Variants in SEMA5A observed in about 807,000 individuals in gnomAD.
SEMA5A encodes semaphorin-5A.
In SEMA5A, 55 loss-of-function variants were observed where a neutral mutation model predicts 135.5. The ratio of observed to expected loss-of-function variants is 0.41; its 90% CI spans 0.33 to 0.51. The LOEUF (loss-of-function observed/expected upper bound fraction) is 0.51, where lower values mean the gene tolerates loss of function less well. Ranked by LOEUF, SEMA5A falls within the 20% of genes least tolerant of loss-of-function variation. SEMA5A has a pLI of 0.37. For synonymous variants in SEMA5A, 580 were observed against 546.5 expected (o/e 1.06, Z -0.85); for missense variants, 1,290 against 1,419.9 (o/e 0.91, Z 1.47).
At chr5:9,509,537 A>C (rs1257270048) in intron 1 of SEMA5A, among the ~76,000 whole-genome samples, 1 of 152,038 alleles carries the variant, frequency 6.6e-6, no homozygotes, top group African/African-American at 2.4e-5. Flanking sequence ...GGCCTCCCAA[A>C]GTGCTGGGAT....
chr5:9,347,805 C>T (rs1237619245), intron 3 of SEMA5A, among the ~76,000 whole-genome samples: 1 of 152,032 alleles, frequency 6.6e-6, no homozygotes, highest in African/African-American at 2.4e-5. Context: ...GCTAGATCGT[C>T]GTCACAAGAT....
chr5:9,274,773 T>C (rs556228738), intron 5 of SEMA5A, among the ~76,000 whole-genome samples: 16 of 152,254 alleles, frequency 1.1e-4, no homozygotes, highest in Non-Finnish European at 2.2e-4. Flanking sequence ...AAGATGTTCT[T>C]TGAAACCAAT....
intron 1 of SEMA5A, among the ~76,000 whole-genome samples, chr5:9,528,982 G>T (rs980732087): frequency 2.6e-5 from 4 of 152,206 alleles, no homozygotes; most frequent in Non-Finnish European, 5.9e-5. Flanking sequence ...TGGTTCTTAG[G>T]TCATGGTGAT....
intron 1 of SEMA5A, among the ~76,000 whole-genome samples, chr5:9,473,251 C>T (rs1254646090): frequency 6.7e-6 from 1 of 148,416 alleles, no homozygotes; most frequent in African/African-American, 2.5e-5. Context: ...AAAAGAACTA[C>T]CAAATCACCT....
At chr5:9,423,373 T>C (rs1321405375) in intron 2 of SEMA5A, among the ~76,000 whole-genome samples, 1 of 152,250 alleles carries the variant, frequency 6.6e-6, no homozygotes, top group Non-Finnish European at 1.5e-5. Flanking sequence ...ATTCCTGAGC[T>C]CATCTATTTT....
intron 1 of SEMA5A, among the ~76,000 whole-genome samples, chr5:9,461,280 C>G (rs1162577818): frequency 6.6e-6 from 1 of 152,160 alleles, no homozygotes; most frequent in Non-Finnish European, 1.5e-5. Context: ...AGGTGTCTTA[C>G]AGAGAATGCT....
At chr5:9,324,012 C>A (rs1269551283) in intron 4 of SEMA5A, among the ~76,000 whole-genome samples, 1 of 151,802 alleles carries the variant, frequency 6.6e-6, no homozygotes, top group Non-Finnish European at 1.5e-5. Context: ...TACCTCACTA[C>A]ACAAACAGTT....
intron 12 of SEMA5A, among the ~76,000 whole-genome samples, chr5:9,146,010 G>GTCCAAC (rs1179905824): frequency 6.6e-6 from 1 of 152,000 alleles, no homozygotes; most frequent in Non-Finnish European, 1.5e-5. Flanking sequence ...CAAACAGTTG[G>GTCCAAC]TAATAGATTT....
intron 11 of SEMA5A, among the ~76,000 whole-genome samples, chr5:9,169,246 G>C (rs1026743231): frequency 1.3e-5 from 2 of 152,168 alleles, no homozygotes; most frequent in Non-Finnish European, 2.9e-5. Flanking sequence ...TTGTGGTGAT[G>C]ATTTCACAAT....
At chr5:9,542,290 T>C (rs464621) in intron 1 of SEMA5A, among the ~76,000 whole-genome samples, 13,424 of 152,210 alleles carry the variant, frequency 0.088, 947 homozygotes, top group African/African-American at 0.19. Context: ...TTCTGCAGGG[T>C]AGCAGAGTGA....
intron 8 of SEMA5A, among the ~76,000 whole-genome samples, chr5:9,211,371 A>T (rs1746337721): frequency 6.6e-6 from 1 of 152,092 alleles, no homozygotes; most frequent in South Asian, 2.1e-4. Context: ...ACCCACATAT[A>T]CTTCATTCCC....
chr5:9,505,133 T>C (rs1735803580), intron 1 of SEMA5A, among the ~76,000 whole-genome samples: 1 of 149,354 alleles, frequency 6.7e-6, no homozygotes, highest in African/African-American at 2.5e-5. Context: ...AAAGACAAAT[T>C]CTAAAACAAA....
intron 2 of SEMA5A, among the ~76,000 whole-genome samples, chr5:9,430,479 A>G (rs1204914298): frequency 1.3e-5 from 2 of 152,204 alleles, no homozygotes; most frequent in Non-Finnish European, 2.9e-5. Flanking sequence ...GAAAAGAGAC[A>G]AGGTCCAGAC....
intron 11 of SEMA5A, among the ~76,000 whole-genome samples, chr5:9,184,990 C>T (rs1744729769): frequency 6.6e-6 from 1 of 152,150 alleles, no homozygotes; most frequent in Non-Finnish European, 1.5e-5. Context: ...TACAATGGTG[C>T]AATCCTAGCT....
At chr5:9,198,894 T>C (rs888921958) in intron 9 of SEMA5A, among the ~76,000 whole-genome samples, 1 of 152,042 alleles carries the variant, frequency 6.6e-6, no homozygotes, top group Non-Finnish European at 1.5e-5. Context: ...ATGGGGGATA[T>C]TACGAATAAT....
At chr5:9,434,199 T>A (rs1265487694) in intron 2 of SEMA5A, among the ~76,000 whole-genome samples, 1 of 152,152 alleles carries the variant, frequency 6.6e-6, no homozygotes, top group Non-Finnish European at 1.5e-5. Context: ...AAACAAGGGT[T>A]TTTTCTTCAA....
chr5:9,524,124 G>GA (rs1248923869), intron 1 of SEMA5A, among the ~76,000 whole-genome samples: 1 of 152,136 alleles, frequency 6.6e-6, no homozygotes, highest in Non-Finnish European at 1.5e-5. Flanking sequence ...TCTGGTTGTT[G>GA]AAAAGTATAG....
intron 3 of SEMA5A, among the ~76,000 whole-genome samples, chr5:9,345,120 A>G (rs1753805018): frequency 6.6e-6 from 1 of 152,210 alleles, no homozygotes; most frequent in African/African-American, 2.4e-5. Context: ...TCATGCAAAC[A>G]ATTGAAAACA....
At chr5:9,496,221 T>C (rs1490894437) in intron 1 of SEMA5A, among the ~76,000 whole-genome samples, 2 of 152,108 alleles carry the variant, frequency 1.3e-5, no homozygotes, top group East Asian at 3.9e-4. Context: ...ACTTTTGTGT[T>C]TTTAGTAGAG....
Sources: allele counts gnomAD v4.1 joint callset (sites outside exome capture counted in the v4.1 genomes callset), GRCh38; gene constraint gnomAD v4.1.1; transcripts MANE v1.5; gene names NCBI Gene and HGNC (gene_info 2026-07-23, HGNC 2026-07-21).